LMTK2: variants seen among roughly 807,000 people sequenced by gnomAD.
LMTK2 encodes the protein serine/threonine-protein kinase LMTK2.
In LMTK2, 37 loss-of-function variants were observed where a neutral mutation model predicts 127.5. The observed-to-expected ratio is 0.29, with a 90% confidence interval of 0.22 to 0.38. The LOEUF is 0.38. Ranked by LOEUF, LMTK2 falls within the 10% of genes least tolerant of loss-of-function variation. The probability of loss-of-function intolerance (pLI) is 1.00; values close to 1 mark genes in which losing one functional copy is unlikely to be tolerated. For missense variants in LMTK2, 1,694 were observed against 1,920.3 expected, an observed-to-expected ratio of 0.88 and a Z score of 2.20; for synonymous variants, 819 against 810.1, an observed-to-expected ratio of 1.01 and a Z score of -0.19.
intron 1 of LMTK2, among the ~76,000 whole-genome samples, chr7:98,126,057 G>A (rs1374605112): frequency 2.6e-5 from 4 of 152,202 alleles, no homozygotes; most frequent in Admixed American, 6.5e-5. Context: ...GAAGCCAGCA[G>A]GGCTCTGAGA....
At chr7:98,135,186 T>A (rs1796580305) in intron 1 of LMTK2, among the ~76,000 whole-genome samples, 1 of 152,232 alleles carries the variant, frequency 6.6e-6, no homozygotes, top group South Asian at 2.1e-4. Flanking sequence ...GAGTTTGGGT[T>A]AGTTTTTCCT....
At chr7:98,195,081 C>T (rs1797606638) in intron 11 of LMTK2, among the ~76,000 whole-genome samples, 1 of 151,984 alleles carries the variant, frequency 6.6e-6, no homozygotes, top group Admixed American at 6.6e-5. Context: ...CACGGTCTTG[C>T]TATGTTGCCT....
At chr7:98,191,556 C>CAAAAAA in intron 10 of LMTK2, 58 bp from the exon 11 acceptor site, 1 of 1,243,414 alleles carries the variant, frequency 8.0e-7, no homozygotes, top group Non-Finnish European at 1.1e-6. Context: ...CGTCTCGAAC[C>CAAAAAA]AAAAAAAAAA....
At chr7:98,153,218 G>A (rs570704865) in intron 4 of LMTK2, among the ~76,000 whole-genome samples, 1 of 152,260 alleles carries the variant, frequency 6.6e-6, no homozygotes, top group Admixed American at 6.5e-5. Context: ...TCGTTTTATA[G>A]AGTGTATTCA....
At chr7:98,196,491 G>T (rs1156947292) in intron 11 of LMTK2, among the ~76,000 whole-genome samples, 6 of 152,342 alleles carry the variant, frequency 3.9e-5, no homozygotes, top group Non-Finnish European at 7.3e-5. Context: ...CATGGATGGG[G>T]TAATGTATAG....
In LMTK2 at chr7:98,207,904, C is replaced by G. The variant is rs1413868334; in HGVS notation, c.*2412C>G. On this transcript the variant is annotated 3_prime_UTR_variant, in exon 14 of 14. Coordinates refer to ENST00000297293, the MANE Select transcript of LMTK2 (RefSeq NM_014916.4). Reference sequence around the variant, plus strand: ...AGGAGTTCAAGACCAGCCTGGGCAACATGGCGAAACCTCGTCTCTACTAAA... The same window carrying G: ...AGGAGTTCAAGACCAGCCTGGGCAAGATGGCGAAACCTCGTCTCTACTAAA... 2 of 150,910 alleles carry G rather than the reference C, an allele frequency of 1.3e-5. No individual in the cohort carries two copies. Among genetic ancestry groups the G allele is most frequent in the East Asian group, 3.9e-4 (2 of 5,140 alleles). 9.3% of individuals were successfully genotyped at this position (150,910 alleles called of 1,614,324 possible). A position where few individuals can be genotyped will look rare whatever the true frequency, so the allele number is the denominator to read the frequency against.
intron 1 of LMTK2, among the ~76,000 whole-genome samples, chr7:98,119,884 A>T (rs1160097938): frequency 6.6e-6 from 1 of 152,230 alleles, no homozygotes; most frequent in African/African-American, 2.4e-5. Context: ...GCTTTTAAAA[A>T]GTTTATTTTT....
rs1730447297 is a variant in LMTK2 at position 98,177,633 on chromosome 7, G to A, written c.791+5959G>A. Among the ~76,000 whole-genome samples the A allele has an allele frequency of 4.6e-5, 7 of 152,196 alleles. No individual in the cohort carries two copies. The South Asian group carries it at 1.4e-3, about 31-fold the overall frequency. ...TCCTCTTGTCTCAGCCTCGCAGGTAGCTGGGACTATACATATGCACCATCA... is the reference window on the plus strand; with the variant it reads ...TCCTCTTGTCTCAGCCTCGCAGGTAACTGGGACTATACATATGCACCATCA... On this transcript the variant is annotated intron_variant, in intron 7 of 13. Coordinates refer to ENST00000297293, the MANE Select transcript of LMTK2 (RefSeq NM_014916.4).
chr7:98,153,927 C>T (rs1487183191), intron 4 of LMTK2, among the ~76,000 whole-genome samples: 1 of 151,756 alleles, frequency 6.6e-6, no homozygotes, highest in Non-Finnish European at 1.5e-5. Flanking sequence ...TTTTTCTGTC[C>T]TTATATTTCT....
At position 98,191,736 on chromosome 7, in the gene LMTK2, A is replaced by G; in HGVS notation, c.1271A>G (p.Gln424Arg). Reference sequence around the variant, plus strand: ...CGGGACTCAGAGGTCGACTTTGAACAGCAGTGGAACGCTCTGAAGCCGAAC... The same window carrying G: ...CGGGACTCAGAGGTCGACTTTGAACGGCAGTGGAACGCTCTGAAGCCGAAC... ...SQRDSEVDFE[Q>R]QWNALKPNTN... The change falls in exon 11 of 14, where the codon CAG becomes CGG. Residue 424 changes from glutamine to arginine, a missense_variant. Coordinates refer to ENST00000297293, the MANE Select transcript of LMTK2 (RefSeq NM_014916.4). 5.0e-6 allele frequency: 8 copies of G among 1,614,186 alleles called. No individual in the cohort carries two copies. Among genetic ancestry groups the G allele is most frequent in the Non-Finnish European group, 6.8e-6 (8 of 1,180,026 alleles).
At chr7:98,132,761 C>A (rs775633725) in intron 1 of LMTK2, among the ~76,000 whole-genome samples, 2 of 151,966 alleles carry the variant, frequency 1.3e-5, no homozygotes, top group Non-Finnish European at 2.9e-5. Context: ...ATCATCATTT[C>A]TTTTTATCTG....
At chr7:98,111,390 A>C (rs1220604371) in intron 1 of LMTK2, among the ~76,000 whole-genome samples, 1 of 152,262 alleles carries the variant, frequency 6.6e-6, no homozygotes, top group Admixed American at 6.5e-5. Flanking sequence ...AAGTTCTTGT[A>C]AATGGACATA....
At position 98,194,448 on chromosome 7, in the gene LMTK2, G is replaced by A. The variant is rs1246377620; in HGVS notation, c.3983G>A (p.Arg1328Lys). The part of the protein sequence containing the change: ...VPIILSNEDG[R>K]HLRSLLKPTA... ...ATCATCCTCAGCAACGAGGACGGAA[G>A]GCACCTGCGGAGTCTGTTGAAGCCC... The change falls in exon 11 of 14, where the codon AGG (arginine) becomes AAG (lysine). Residue 1328 changes from arginine to lysine, a missense_variant. Physicochemically the swap from Arg to Lys is conservative, Grantham distance 26 (BLOSUM62 2). Transcript: ENST00000297293. This position sits in a 1 kb window ranked among gnomAD's most constrained non-coding sequence, Gnocchi z 5.4. The A allele has an allele frequency of 2.5e-6, 4 of 1,614,144 alleles. No individual in the cohort carries two copies.
At chr7:98,153,623 G>A (rs2116391353) in intron 4 of LMTK2, among the ~76,000 whole-genome samples, 1 of 152,292 alleles carries the variant, frequency 6.6e-6, no homozygotes, top group East Asian at 1.9e-4. Flanking sequence ...TGTAATTCCA[G>A]TGCTTTGGGA....
chr7:98,204,014 C>T lies in LMTK2; in HGVS notation c.4311C>T (p.Leu1437=), dbSNP rs958146615. The T allele has an allele frequency of 2.5e-6, 4 of 1,614,106 alleles. No individual in the cohort carries two copies. In the African/African-American group the frequency reaches 5.3e-5, roughly 22 times the overall value. The change falls in exon 13 of 14, where the codon CTC becomes CTT. Residue 1437 remains leucine (L), a synonymous_variant. Coordinates refer to ENST00000297293, the MANE Select transcript of LMTK2 (RefSeq NM_014916.4). Reference sequence around the variant, plus strand: ...TGTCAAAGACAACAAGTAACCTGCTCAGCTCCAAGCCTTCTCTCCAAACAT... The same window carrying T: ...TGTCAAAGACAACAAGTAACCTGCTTAGCTCCAAGCCTTCTCTCCAAACAT... ...PFMSKTTSNL[L]SSKPSLQTSK...
chr7:98,177,195 T>C (rs1455099297), intron 7 of LMTK2, among the ~76,000 whole-genome samples: 1 of 152,226 alleles, frequency 6.6e-6, no homozygotes, highest in East Asian at 1.9e-4. Context: ...TTGTTGTGGC[T>C]TTTTATAAGA....
At chr7:98,122,350 G>A (rs150905853) in intron 1 of LMTK2, among the ~76,000 whole-genome samples, 2 of 152,212 alleles carry the variant, frequency 1.3e-5, no homozygotes, top group South Asian at 2.1e-4. Context: ...CAGTTTCCCA[G>A]TTCTCACCCT....
chr7:98,127,640 G>A (rs1796461996), intron 1 of LMTK2, among the ~76,000 whole-genome samples: 1 of 152,138 alleles, frequency 6.6e-6, no homozygotes, highest in Non-Finnish European at 1.5e-5. Flanking sequence ...CCTGCCAGTG[G>A]GATTGGCTTT....
intron 6 of LMTK2, among the ~76,000 whole-genome samples, chr7:98,170,887 G>C (rs1012158232): frequency 2.6e-5 from 4 of 152,174 alleles, no homozygotes; most frequent in African/African-American, 9.7e-5. Context: ...CTGACTGTAA[G>C]TTTGTTTATT....
Sources: allele counts gnomAD v4.1 joint callset (sites outside exome capture counted in the v4.1 genomes callset), GRCh38; gene constraint gnomAD v4.1.1; non-coding constraint Gnocchi (gnomAD v3.1); transcripts MANE v1.5; gene names NCBI Gene and HGNC (gene_info 2026-07-23, HGNC 2026-07-21).